Variants in GRM7 observed in about 807,000 individuals in gnomAD.
GRM7 encodes glutamate metabotropic receptor 7.
GRM7 carries 35 observed loss-of-function variants against 84.5 expected under a neutral mutation model. That is an observed-to-expected ratio of 0.41 (90% CI 0.32 to 0.55). The LOEUF is 0.55. Ranked by LOEUF, GRM7 falls within the 20% of genes least tolerant of loss-of-function variation. GRM7 has a pLI of 0.19. For synonymous variants in GRM7, 487 were observed against 455.1 expected, an observed-to-expected ratio of 1.07 and a Z score of -0.89; for missense variants, 1,003 against 1,194.6, an observed-to-expected ratio of 0.84 and a Z score of 2.36.
chr3:7,472,834 C>G (rs1698757178), intron 7 of GRM7, among the ~76,000 whole-genome samples: 1 of 152,168 alleles, frequency 6.6e-6, no homozygotes, highest in African/African-American at 2.4e-5. Flanking sequence ...TTTCAATCCC[C>G]CTACCCCCAC....
intron 1 of GRM7, among the ~76,000 whole-genome samples, chr3:6,903,206 GTT>G (rs79484992): frequency 3.5e-5 from 5 of 144,594 alleles, no homozygotes; most frequent in African/African-American, 5.0e-5. Flanking sequence ...ATTTTATAGG[GTT>G]TTTTTTTTTT....
At chr3:7,505,717 G>C (rs1247152187) in intron 7 of GRM7, among the ~76,000 whole-genome samples, 2 of 152,144 alleles carry the variant, frequency 1.3e-5, no homozygotes, top group Non-Finnish European at 2.9e-5. Context: ...AGCTGGAGAG[G>C]CCACCATGTG....
At chr3:6,924,002 G>C (rs1314306832) in intron 1 of GRM7, among the ~76,000 whole-genome samples, 1 of 152,182 alleles carries the variant, frequency 6.6e-6, no homozygotes, top group Non-Finnish European at 1.5e-5. Flanking sequence ...GTTGGAGTCA[G>C]AAGACTTGAG....
intron 1 of GRM7, among the ~76,000 whole-genome samples, chr3:7,017,748 C>G (rs923061393): frequency 2.0e-5 from 3 of 152,138 alleles, no homozygotes; most frequent in Non-Finnish European, 2.9e-5. Context: ...AAAAGTTGCC[C>G]ATATGGCTCT....
chr3:7,041,802 G>A (rs1056781295), intron 1 of GRM7, among the ~76,000 whole-genome samples: 4 of 151,946 alleles, frequency 2.6e-5, no homozygotes, highest in Non-Finnish European at 5.9e-5. Context: ...ATTGAGGTGG[G>A]GGCTGATCAC....
intron 8 of GRM7, among the ~76,000 whole-genome samples, chr3:7,618,529 A>G (rs182603337): frequency 6.6e-6 from 1 of 152,110 alleles, no homozygotes; most frequent in Non-Finnish European, 1.5e-5. Context: ...TATTGTTATT[A>G]TTTGTGTTTA....
chr3:7,614,148 G>A (rs1164862420), intron 8 of GRM7, among the ~76,000 whole-genome samples: 2 of 151,986 alleles, frequency 1.3e-5, no homozygotes, highest in Non-Finnish European at 2.9e-5. Context: ...ACCTGTAATC[G>A]CAGCTACTCA....
intron 7 of GRM7, among the ~76,000 whole-genome samples, chr3:7,558,137 T>A (rs1435240894): frequency 6.6e-6 from 1 of 152,126 alleles, no homozygotes; most frequent in African/African-American, 2.4e-5. Flanking sequence ...TGACAATGTA[T>A]CTCTTGAAAT....
Position 7,066,589 on chromosome 3 carries a change from C to T in GRM7, c.520-79863C>T, listed in dbSNP as rs985453501. Among the ~76,000 whole-genome samples the T allele has an allele frequency of 5.3e-5, 8 of 151,872 alleles. 1 individual carries two copies. Among genetic ancestry groups the T allele is most frequent in the African/African-American group, 1.4e-4 (6 of 41,410 alleles). On this transcript the variant is annotated intron_variant, in intron 1 of 9. Coordinates refer to ENST00000357716, the MANE Select transcript of GRM7 (RefSeq NM_000844.4). ...CAGATGGATTCACAGCAGCATTCTACCAGACATTCAAAGAATTGGTACCAA... is the reference window on the plus strand; with the variant it reads ...CAGATGGATTCACAGCAGCATTCTATCAGACATTCAAAGAATTGGTACCAA...
At chr3:7,654,469 A>C (rs1699093609) in intron 8 of GRM7, among the ~76,000 whole-genome samples, 1 of 152,190 alleles carries the variant, frequency 6.6e-6, no homozygotes, top group Non-Finnish European at 1.5e-5. Context: ...GAAACTCCTC[A>C]AATGGAGGGA....
At chr3:7,520,742 C>T (rs1293794702) in intron 7 of GRM7, among the ~76,000 whole-genome samples, 2 of 152,144 alleles carry the variant, frequency 1.3e-5, no homozygotes, top group East Asian at 3.9e-4. Flanking sequence ...TTGTAGCATT[C>T]AGATTCCCAT....
chr3:7,485,004 A>G (rs1470054841), intron 7 of GRM7, among the ~76,000 whole-genome samples: 2 of 152,212 alleles, frequency 1.3e-5, no homozygotes, highest in African/African-American at 2.4e-5. Flanking sequence ...CTGCATGGCA[A>G]GGAACTGAGG....
intron 1 of GRM7, among the ~76,000 whole-genome samples, chr3:7,022,307 AGAGT>A (rs1450628101): frequency 6.7e-6 from 1 of 148,686 alleles, no homozygotes; most frequent in Non-Finnish European, 1.5e-5. Flanking sequence ...GCTGAGTGAG[AGAGT>A]GAGACTCTGG....
chr3:7,172,657 C>T (rs796274225), intron 2 of GRM7, among the ~76,000 whole-genome samples: 18 of 149,440 alleles, frequency 1.2e-4, no homozygotes, highest in East Asian at 4.0e-4. Flanking sequence ...GTTGAATTTC[C>T]GAAAAGAACA....
intron 1 of GRM7, among the ~76,000 whole-genome samples, chr3:6,870,991 G>T (rs1425464790): frequency 6.6e-6 from 1 of 152,148 alleles, no homozygotes; most frequent in Admixed American, 6.6e-5. Context: ...TTATCCGAAA[G>T]CGTTATTTTA....
chr3:7,191,716 G>C (rs1349289495), intron 2 of GRM7, among the ~76,000 whole-genome samples: 1 of 151,132 alleles, frequency 6.6e-6, no homozygotes, highest in Non-Finnish European at 1.5e-5. Context: ...AAATAGATCA[G>C]ATGTGGCCAG....
At chr3:7,523,271 AG>A (rs1700666805) in intron 7 of GRM7, among the ~76,000 whole-genome samples, 2 of 152,184 alleles carry the variant, frequency 1.3e-5, no homozygotes, top group Non-Finnish European at 2.9e-5. Context: ...GAAAAGGAGA[AG>A]GGGCAATTGA....
At chr3:7,653,149 T>C (rs1257756191) in intron 8 of GRM7, among the ~76,000 whole-genome samples, 1 of 150,506 alleles carries the variant, frequency 6.6e-6, no homozygotes, top group African/African-American at 2.5e-5. Flanking sequence ...TGTTATATTC[T>C]ATAGCACTTT....
Position 6,928,611 on chromosome 3 carries a change from A to G in GRM7, c.519+66704A>G, listed in dbSNP as rs1697392255. Among the ~76,000 whole-genome samples the G allele has an allele frequency of 6.6e-6, 1 of 152,166 alleles. No homozygotes were observed. The highest frequency in any genetic ancestry group is 6.6e-5 in the Admixed American group (1 of 15,250). ...ATAGGGGGAAAATAAGTTTTTCTCA[A>G]CTTTTTCATTATAGCCCAGATTTTG... On this transcript the variant is annotated intron_variant, in intron 1 of 9. Coordinates refer to ENST00000357716, the MANE Select transcript of GRM7 (RefSeq NM_000844.4). The surrounding 1 kb of genome is among the most constrained non-coding windows in gnomAD (Gnocchi z 4.5).
Sources: allele counts gnomAD v4.1 joint callset (sites outside exome capture counted in the v4.1 genomes callset), GRCh38; gene constraint gnomAD v4.1.1; non-coding constraint Gnocchi (gnomAD v3.1); transcripts MANE v1.5; gene names NCBI Gene and HGNC (gene_info 2026-07-23, HGNC 2026-07-21).